POTEB3: variants seen among roughly 807,000 people sequenced by gnomAD.
POTEB3 encodes the protein ANKRD26-like family B member 1.
A neutral mutation model predicts 39.8 loss-of-function variants in POTEB3; 5 were observed. That is an observed-to-expected ratio of 0.13 (90% CI 0.07 to 0.26). The LOEUF (loss-of-function observed/expected upper bound fraction) is 0.26, where lower values mean the gene tolerates loss of function less well. Among genes scored for constraint, POTEB3 ranks in the 10% least tolerant of loss-of-function variants. POTEB3 has a pLI of 1.00. For missense variants in POTEB3, 24 were observed against 475.6 expected (o/e 0.05, Z 8.83); for synonymous variants, 5 against 161.5 (o/e 0.03, Z 7.35).
chr15:21,422,587 C>T (rs1481196093), intron 6 of POTEB3, among the ~76,000 whole-genome samples: 2 of 137,216 alleles, frequency 1.5e-5, no homozygotes, highest in African/African-American at 5.5e-5. Flanking sequence ...AGGATAGTAA[C>T]AAGCAGGCCC....
At chr15:21,421,865 G>A (rs1898517689) in intron 7 of POTEB3, among the ~76,000 whole-genome samples, 1 of 151,698 alleles carries the variant, frequency 6.6e-6, no homozygotes, top group Non-Finnish European at 1.5e-5. Flanking sequence ...TAAAATAAGA[G>A]TATTTTAAAT....
rs1449643461 is a variant in POTEB3 at position 21,422,855 on chromosome 15, T to G, written c.1127-665A>C. Among the ~76,000 whole-genome samples the G allele has an allele frequency of 4.0e-5, 6 of 150,916 alleles. 1 individual carries two copies. The highest frequency in any genetic ancestry group is 7.3e-5 in the African/African-American group (3 of 41,082). ...TGCCTTTGTTCTGCTTCTATAAGTT[T>G]GCCTATATAAGCCAAGCCCTGTCTT... On this transcript the variant is annotated intron_variant, in intron 6 of 10. Transcript: ENST00000611217.
intron 3 of POTEB3, among the ~76,000 whole-genome samples, chr15:21,433,319 C>T (rs1342713069): frequency 6.6e-6 from 1 of 150,568 alleles, no homozygotes; most frequent in African/African-American, 2.4e-5. Flanking sequence ...AACTCCTAAG[C>T]TCAGGCAATC....
intron 6 of POTEB3, among the ~76,000 whole-genome samples, chr15:21,425,826 C>G (rs1214977650): frequency 6.6e-6 from 1 of 151,830 alleles, no homozygotes; most frequent in Non-Finnish European, 1.5e-5. Context: ...GAAGAAAACA[C>G]TGCCAACAGC....
chr15:21,422,921 G>A (rs1898564736), intron 6 of POTEB3, among the ~76,000 whole-genome samples: 1 of 143,928 alleles, frequency 6.9e-6, no homozygotes, highest in Non-Finnish European at 1.5e-5. Context: ...CGCTGAGCTG[G>A]TGTGCACCTA....
At chr15:21,430,704 C>A (rs1422516147) in intron 4 of POTEB3, among the ~76,000 whole-genome samples, 1 of 151,208 alleles carries the variant, frequency 6.6e-6, no homozygotes, top group African/African-American at 2.4e-5. Context: ...CTGAAGTGGA[C>A]AAAGATTTAA....
At chr15:21,433,291 T>G (rs11858117) in intron 3 of POTEB3, among the ~76,000 whole-genome samples, 6,583 of 144,822 alleles carry the variant, frequency 0.045, 51 homozygotes, top group African/African-American at 0.12. Context: ...TCTCATTATG[T>G]TGACCAGGCT....
At chr15:21,429,036 C>G (rs1898845458) in intron 5 of POTEB3, 2 of 150,518 alleles carry the variant, frequency 1.3e-5, no homozygotes, top group African/African-American at 4.9e-5. Flanking sequence ...CAAGGCTTGG[C>G]TCTTGTCCAT....
At chr15:21,419,391 A>G (rs1328601881) in intron 9 of POTEB3, 73 bp downstream of exon 9, 1 of 360,708 alleles carries the variant, frequency 2.8e-6, no homozygotes, top group African/African-American at 7.5e-5. Context: ...TAGTAAAAGT[A>G]TAAAATTTGT....
At chr15:21,414,389 G>A (rs1417678826) in intron 9 of POTEB3, among the ~76,000 whole-genome samples, 1 of 116,516 alleles carries the variant, frequency 8.6e-6, no homozygotes, top group Non-Finnish European at 1.7e-5. Flanking sequence ...TTAAAATGAA[G>A]TCTACAATTC....
At chr15:21,434,418 C>A in intron 3 of POTEB3, among the ~76,000 whole-genome samples, 3 of 79,636 alleles carry the variant, frequency 3.8e-5, no homozygotes, top group Non-Finnish European at 2.6e-5. Context: ...TTACCTTTTA[C>A]AAATTCCGTG....
chr15:21,423,116 G>A (rs1369656184), intron 6 of POTEB3, among the ~76,000 whole-genome samples: 22 of 134,988 alleles, frequency 1.6e-4, no homozygotes, highest in Admixed American at 5.0e-4. Context: ...TTTTTTTTTT[G>A]TTTTAGCTGG....
chr15:21,424,920 A>T (rs1263844524), intron 6 of POTEB3: 1 of 146,950 alleles, frequency 6.8e-6, no homozygotes, highest in African/African-American at 2.5e-5. Flanking sequence ...ATTACAAAAA[A>T]GCCTTCCAAC....
chr15:21,433,778 C>T (rs1308919962), intron 3 of POTEB3, among the ~76,000 whole-genome samples: 1 of 150,784 alleles, frequency 6.6e-6, no homozygotes, highest in Admixed American at 6.6e-5. Context: ...AGTTGAGACT[C>T]TAATTGGCCA....
rs1457439437 is a variant in POTEB3 at position 21,433,649 on chromosome 15, A to G, written c.810+1012T>C. Reference sequence around the variant, plus strand: ...AGACTCATTTGCTGAAAACACCACAAAATTTTCCCTGGTAAGAGTAGAACA... The same window carrying G: ...AGACTCATTTGCTGAAAACACCACAGAATTTTCCCTGGTAAGAGTAGAACA... On this transcript the variant is annotated intron_variant, in intron 3 of 10. Transcript: ENST00000611217. Among the ~76,000 whole-genome samples the G allele has an allele frequency of 5.2e-3, 771 of 147,604 alleles. 20 individuals carry two copies. The highest frequency in any genetic ancestry group is 0.019 in the African/African-American group (735 of 39,204).
intron 10 of POTEB3, among the ~76,000 whole-genome samples, 189 bp downstream of exon 10, chr15:21,410,689 T>C (rs1285429374): frequency 1.2e-5 from 1 of 80,754 alleles, no homozygotes. Flanking sequence ...TTATCCTATG[T>C]GTACATATAT....
chr15:21,426,296 C>T (rs1898701013), intron 6 of POTEB3: 1 of 393,392 alleles, frequency 2.5e-6, no homozygotes, highest in Non-Finnish European at 4.9e-6. Context: ...ATCATACCTA[C>T]TTTTTTTCAA....
chr15:21,410,726 G>T (rs61997922), intron 10 of POTEB3, among the ~76,000 whole-genome samples, 152 bp downstream of exon 10: 4,434 of 64,256 alleles, frequency 0.069, 516 homozygotes, highest in African/African-American at 0.17. Flanking sequence ...ATATACAGGG[G>T]GTGTGTGTGT....
chr15:21,414,303 G>T (rs1330168304), intron 9 of POTEB3, among the ~76,000 whole-genome samples: 2 of 119,906 alleles, frequency 1.7e-5, no homozygotes, highest in Non-Finnish European at 3.3e-5. Flanking sequence ...AAATTATACA[G>T]AGAAATATGT....
Sources: allele counts gnomAD v4.1 joint callset (sites outside exome capture counted in the v4.1 genomes callset), GRCh38; gene constraint gnomAD v4.1.1; transcripts MANE v1.5; gene names NCBI Gene and HGNC (gene_info 2026-07-23, HGNC 2026-07-21).